CIMIP1: variants seen among roughly 807,000 people sequenced by gnomAD.
CIMIP1 encodes low in lung cancer 1.
At chr20:58,159,183 C>CTTTTTTTTTTTTTTTTTTTTTT in the CIMIP1 span, among the ~76,000 whole-genome samples, 1 of 104,084 alleles carries the variant, frequency 9.6e-6, no homozygotes, top group Non-Finnish European at 1.8e-5. Flanking sequence ...GCACTTTCTT[C>CTTTTTTTTTTTTTTTTTTTTTT]TTTTTTTTTT....
At chr20:58,160,363 T>C in the CIMIP1 span, among the ~76,000 whole-genome samples, 1 of 152,242 alleles carries the variant, frequency 6.6e-6, no homozygotes, top group Non-Finnish European at 1.5e-5. Flanking sequence ...ACTGTAGCAC[T>C]TGATATTTCT....
the CIMIP1 span, chr20:58,153,626 G>A: frequency 4.4e-6 from 7 of 1,605,834 alleles, no homozygotes; most frequent in African/African-American, 9.4e-5. Flanking sequence ...TTTTGAGGAG[G>A]TAAATATAAA....
the CIMIP1 span, chr20:58,155,566 C>A: frequency 6.2e-7 from 1 of 1,612,478 alleles, no homozygotes; most frequent in Non-Finnish European, 8.5e-7. Flanking sequence ...AGAAGTACAT[C>A]AAGGTTTGAA....
the CIMIP1 span, among the ~76,000 whole-genome samples, chr20:58,151,718 T>A: frequency 2.0e-5 from 3 of 152,164 alleles, no homozygotes; most frequent in African/African-American, 7.2e-5. Flanking sequence ...TGGCCAAATT[T>A]TTTTTTAAAA....
At chr20:58,152,044 A>G in the CIMIP1 span, among the ~76,000 whole-genome samples, 7 of 152,130 alleles carry the variant, frequency 4.6e-5, no homozygotes, top group Non-Finnish European at 2.9e-5. Context: ...AATTTTTACC[A>G]TTTCCTTGTA....
chr20:58,153,177 C>T, the CIMIP1 span, among the ~76,000 whole-genome samples: 11 of 152,192 alleles, frequency 7.2e-5, no homozygotes, highest in Non-Finnish European at 1.5e-4. Flanking sequence ...TCTGCACTTG[C>T]AGGAAGCAGG....
the CIMIP1 span, among the ~76,000 whole-genome samples, chr20:58,158,170 G>C: frequency 6.6e-6 from 1 of 152,118 alleles, no homozygotes; most frequent in Non-Finnish European, 1.5e-5. Context: ...AACCATCCAG[G>C]CACCAGAACA....
chr20:58,152,400 C>T, the CIMIP1 span, among the ~76,000 whole-genome samples: 1 of 150,800 alleles, frequency 6.6e-6, no homozygotes, highest in Non-Finnish European at 1.5e-5. Flanking sequence ...TAAGTGTAAA[C>T]TGCGTGACAA....
chr20:58,153,514 T>C, the CIMIP1 span: 1 of 1,584,878 alleles, frequency 6.3e-7, no homozygotes, highest in East Asian at 2.2e-5. Flanking sequence ...TTTTCCGTGT[T>C]GCCCAGCACT....
chr20:58,160,616 T>C, the CIMIP1 span: 1 of 1,585,298 alleles, frequency 6.3e-7, no homozygotes, highest in Non-Finnish European at 8.6e-7. Flanking sequence ...GTGCCTCGTG[T>C]CTCTGTGGCC....
chr20:58,160,911 C>T, the CIMIP1 span: 2 of 1,432,174 alleles, frequency 1.4e-6, no homozygotes, highest in South Asian at 2.7e-5. Flanking sequence ...CCCCTGAATC[C>T]CGAGGACACA....
the CIMIP1 span, among the ~76,000 whole-genome samples, chr20:58,151,402 G>A: frequency 1.3e-5 from 2 of 151,364 alleles, no homozygotes; most frequent in South Asian, 4.2e-4. Context: ...TAAGACTGAT[G>A]ATTTTTGTTT....
the CIMIP1 span, among the ~76,000 whole-genome samples, chr20:58,158,214 C>T: frequency 6.6e-6 from 1 of 152,210 alleles, no homozygotes; most frequent in Admixed American, 6.5e-5. Context: ...TGAGAGACTC[C>T]TGTCTAGGAG....
At chr20:58,160,760 A>T in the CIMIP1 span, 32 of 1,614,096 alleles carry the variant, frequency 2.0e-5, no homozygotes, top group Non-Finnish European at 2.7e-5. Flanking sequence ...CGACGATGCG[A>T]TCAGAAGCTG....
At chr20:58,150,970 G>A in the CIMIP1 span, 1 of 1,605,872 alleles carries the variant, frequency 6.2e-7, no homozygotes, top group East Asian at 2.2e-5. Context: ...GCCTCATGGC[G>A]CAGAAACCTC....
chr20:58,159,590 T>C, the CIMIP1 span, among the ~76,000 whole-genome samples: 7 of 152,168 alleles, frequency 4.6e-5, no homozygotes, highest in Non-Finnish European at 7.4e-5. Flanking sequence ...GGTGGTGTTT[T>C]CATCTTTTTG....
At chr20:58,152,658 G>T in the CIMIP1 span, among the ~76,000 whole-genome samples, 6 of 148,736 alleles carry the variant, frequency 4.0e-5, no homozygotes, top group Non-Finnish European at 8.9e-5. Context: ...GGAGGCGGAG[G>T]TTGCAGTGAA....
At chr20:58,155,727 C>A in the CIMIP1 span, among the ~76,000 whole-genome samples, 36 of 152,358 alleles carry the variant, frequency 2.4e-4, no homozygotes, top group African/African-American at 8.2e-4. Context: ...ACGTCCTTCC[C>A]AAACCCAGCC....
chr20:58,154,876 C>T, the CIMIP1 span, among the ~76,000 whole-genome samples: 1 of 152,194 alleles, frequency 6.6e-6, no homozygotes, highest in African/African-American at 2.4e-5. Context: ...GGCATGATCT[C>T]AGCTCACTGC....
Sources: gnomAD v4.1 joint callset for allele counts (sites outside exome capture counted in the v4.1 genomes callset) on GRCh38, gnomAD v4.1.1 for gene constraint, MANE v1.5 for transcripts, NCBI Gene and HGNC (gene_info 2026-07-23, HGNC 2026-07-21) for gene names.